The following SLC28A1 variants were observed in gnomAD, a reference collection of about 807,000 sequenced individuals.
The protein encoded by SLC28A1 is sodium/nucleoside cotransporter 1.
SLC28A1 carries 64 observed loss-of-function variants against 74.8 expected under a neutral mutation model. That is an observed-to-expected ratio of 0.86 (90% CI 0.70 to 1.05). SLC28A1 has a LOEUF of 1.05. SLC28A1 is among the 50% of genes least tolerant of loss of function. The pLI is 0.00. For missense variants in SLC28A1, 828 were observed against 822.8 expected, an observed-to-expected ratio of 1.01 and a Z score of -0.08; for synonymous variants, 359 against 335.0, an observed-to-expected ratio of 1.07 and a Z score of -0.78.
intron 12 of SLC28A1, among the ~76,000 whole-genome samples, chr15:84,926,803 G>GT (rs1491346795): frequency 3.2e-4 from 5 of 15,426 alleles, no homozygotes; most frequent in African/African-American, 1.0e-3. Context: ...GGTGGGGGGA[G>GT]GGGGGGGGTG....
the SLC28A1 span, among the ~76,000 whole-genome samples, chr15:84,960,095 C>T: frequency 6.6e-6 from 1 of 151,990 alleles, no homozygotes; most frequent in Non-Finnish European, 1.5e-5. Context: ...AGAGGGCACA[C>T]ATAGGGTAGA....
the SLC28A1 span, among the ~76,000 whole-genome samples, chr15:84,965,743 C>T: frequency 1.2e-4 from 19 of 152,272 alleles, no homozygotes; most frequent in African/African-American, 3.1e-4. Context: ...GGAAATCTCT[C>T]GGTCCTGGGC....
chr15:84,919,354 A>C (rs966813572), intron 10 of SLC28A1, among the ~76,000 whole-genome samples: 9 of 152,374 alleles, frequency 5.9e-5, no homozygotes, highest in African/African-American at 2.2e-4. Flanking sequence ...ATAAATCAGC[A>C]ACATCAGATG....
chr15:84,915,988 G>A (rs906039437), intron 9 of SLC28A1, among the ~76,000 whole-genome samples: 4 of 151,444 alleles, frequency 2.6e-5, no homozygotes, highest in African/African-American at 9.7e-5. Context: ...TTTAGACAGG[G>A]TCTCACTCTG....
intron 9 of SLC28A1, among the ~76,000 whole-genome samples, chr15:84,918,102 C>T (rs562894932): frequency 6.6e-6 from 1 of 152,160 alleles, no homozygotes; most frequent in East Asian, 1.9e-4. Flanking sequence ...GAGGTTAAGG[C>T]CAGAGTCTGA....
At chr15:84,916,999 G>C (rs1969191968) in intron 9 of SLC28A1, among the ~76,000 whole-genome samples, 1 of 129,624 alleles carries the variant, frequency 7.7e-6, no homozygotes, top group Non-Finnish European at 1.5e-5. Context: ...CTGTACTCCA[G>C]CCTGGGCAAC....
rs113318655 is a variant in SLC28A1, at chr15:84,916,022, G to A, written c.796-2502G>A. ...TGTCACCCCAGGCTGGAGTGCAGTC[G>A]GATGATCTCGGCTCACTGCAACCTC... On this transcript the variant is annotated intron_variant, in intron 9 of 18. Transcript: ENST00000394573. 3.4e-4 allele frequency among the ~76,000 whole-genome samples: 52 copies of A among 151,890 alleles called. 1 individual carries two copies. The highest frequency in any genetic ancestry group is 3.1e-3 in the Admixed American group (48 of 15,250).
the SLC28A1 span, among the ~76,000 whole-genome samples, chr15:84,971,338 A>T: frequency 1.3e-5 from 2 of 152,126 alleles, no homozygotes; most frequent in Non-Finnish European, 2.9e-5. Flanking sequence ...TGGAGGTGGG[A>T]CTGAAAAGGA....
At chr15:84,960,513 C>T in the SLC28A1 span, among the ~76,000 whole-genome samples, 5 of 152,084 alleles carry the variant, frequency 3.3e-5, no homozygotes, top group African/African-American at 9.7e-5. Context: ...CTGACTCGGC[C>T]GGCCAAAGTG....
At chr15:84,957,424 G>T in the SLC28A1 span, among the ~76,000 whole-genome samples, 1 of 152,064 alleles carries the variant, frequency 6.6e-6, no homozygotes, top group Non-Finnish European at 1.5e-5. Flanking sequence ...ACGCCACCAC[G>T]CCCAGCTAAT....
At chr15:84,952,875 T>G in the SLC28A1 span, among the ~76,000 whole-genome samples, 1 of 152,080 alleles carries the variant, frequency 6.6e-6, no homozygotes, top group African/African-American at 2.4e-5. Context: ...TAAAAAAAAT[T>G]TTTAATAATA....
chr15:84,915,955 C>T (rs1432175156), intron 9 of SLC28A1, among the ~76,000 whole-genome samples: 1 of 151,656 alleles, frequency 6.6e-6, no homozygotes, highest in Admixed American at 6.6e-5. Context: ...TGTTGTTGTT[C>T]TTCTTCTTAT....
intron 5 of SLC28A1, among the ~76,000 whole-genome samples, chr15:84,892,563 A>G (rs987999453): frequency 3.3e-5 from 5 of 152,184 alleles, no homozygotes; most frequent in East Asian, 1.9e-4. Flanking sequence ...CAGGAATGCA[A>G]TCTGAATCAT....
At chr15:84,943,691 G>A (rs1394586122) in intron 16 of SLC28A1, among the ~76,000 whole-genome samples, 165 bp downstream of exon 16, 1 of 152,152 alleles carries the variant, frequency 6.6e-6, no homozygotes, top group Non-Finnish European at 1.5e-5. Context: ...CACTTTGGGA[G>A]GCCCAGGTGG....
intron 2 of SLC28A1, 38 bp from the exon 3 acceptor site, chr15:84,887,707 C>T: frequency 2.5e-6 from 4 of 1,600,066 alleles, no homozygotes; most frequent in Non-Finnish European, 3.4e-6. Context: ...TGCCCGGCCT[C>T]CCTTTCAGCG....
chr15:84,899,926 G>A (rs1035819403), intron 6 of SLC28A1, among the ~76,000 whole-genome samples: 20 of 100,568 alleles, frequency 2.0e-4, no homozygotes, highest in African/African-American at 6.4e-4. Context: ...AGGGAAAGAG[G>A]GAAAGAAAGA....
At chr15:84,929,067 A>C (rs534680457) in intron 12 of SLC28A1, among the ~76,000 whole-genome samples, 40 of 152,328 alleles carry the variant, frequency 2.6e-4, no homozygotes, top group Middle Eastern at 3.4e-3. Flanking sequence ...GCTATTGAGC[A>C]CTTGAAATGA....
chr15:84,968,039 T>G, the SLC28A1 span, among the ~76,000 whole-genome samples: 5 of 152,150 alleles, frequency 3.3e-5, no homozygotes, highest in Non-Finnish European at 7.4e-5. Flanking sequence ...GAGGAATCAC[T>G]GGGGACCAAG....
At position 84,928,546 on chromosome 15, in the gene SLC28A1, CTTT is replaced by C; in HGVS notation, c.1083+4437_1083+4439del. 9.9e-5 allele frequency among the ~76,000 whole-genome samples: 2 copies of C among 20,284 alleles called. 1 individual carries two copies. The highest frequency in any genetic ancestry group is 1.6e-4 in the Non-Finnish European group (2 of 12,628). 13.3% of individuals were successfully genotyped at this position (20,284 alleles called of 152,430 possible). A position where few individuals can be genotyped will look rare whatever the true frequency, so the allele number is the denominator to read the frequency against. On this transcript the variant is annotated intron_variant, in intron 12 of 18. Transcript: ENST00000394573. ...TCGTTCGTTCTTTCTTTCTTTCTTT[CTTT>C]CTTTCTTTCTTTCTTTCTTTCTTTC... is the stretch of plus-strand genomic sequence containing the variant.
Sources: allele counts gnomAD v4.1 joint callset (sites outside exome capture counted in the v4.1 genomes callset), GRCh38; gene constraint gnomAD v4.1.1; transcripts MANE v1.5; gene names NCBI Gene and HGNC (gene_info 2026-07-23, HGNC 2026-07-21).